Variants in ACKR3 observed in about 807,000 individuals in gnomAD.
ACKR3 encodes C-X-C chemokine receptor type 7.
A neutral mutation model predicts 22.4 loss-of-function variants in ACKR3; 6 were observed. The observed-to-expected ratio is 0.27, with a 90% CI of 0.15 to 0.53. ACKR3 has a LOEUF of 0.53. ACKR3 is among the 20% of genes least tolerant of loss of function. The pLI is 0.96. For missense variants in ACKR3, 396 were observed against 475.2 expected, an observed-to-expected ratio of 0.83 and a Z score of 1.55; for synonymous variants, 209 against 205.2, an observed-to-expected ratio of 1.02 and a Z score of -0.16.
the ACKR3 span, among the ~76,000 whole-genome samples, chr2:236,554,895 G>C: frequency 6.6e-6 from 1 of 152,254 alleles, no homozygotes; most frequent in Admixed American, 6.5e-5. Context: ...AGGCAAAAAG[G>C]GTGCATTTGT....
At chr2:236,552,061 G>A in the ACKR3 span, among the ~76,000 whole-genome samples, 2 of 152,124 alleles carry the variant, frequency 1.3e-5, no homozygotes, top group South Asian at 2.1e-4. Flanking sequence ...CTCTACCCCC[G>A]TAGAACTTTC....
At chr2:236,556,641 G>A in the ACKR3 span, among the ~76,000 whole-genome samples, 1 of 152,224 alleles carries the variant, frequency 6.6e-6, no homozygotes, top group Admixed American at 6.5e-5. Context: ...CTGGCACATT[G>A]ATCTCAGCCC....
At chr2:236,545,279 G>A in the ACKR3 span, among the ~76,000 whole-genome samples, 8 of 152,146 alleles carry the variant, frequency 5.3e-5, no homozygotes, top group Admixed American at 6.5e-5. This position sits in a 1 kb window ranked among gnomAD's most constrained non-coding sequence, Gnocchi z 5.3. Context: ...TTGAGAGTTC[G>A]TGCCTGGTGG....
At chr2:236,546,400 G>C in the ACKR3 span, among the ~76,000 whole-genome samples, 2 of 152,138 alleles carry the variant, frequency 1.3e-5, no homozygotes, top group Admixed American at 1.3e-4. The surrounding 1 kb of genome is among the most constrained non-coding windows in gnomAD (Gnocchi z 4.9). Context: ...GGCAGGGCTA[G>C]TTCACATTGT....
chr2:236,568,530 T>A (rs1016833557), upstream of ACKR3, among the ~76,000 whole-genome samples: 3 of 152,050 alleles, frequency 2.0e-5, no homozygotes, highest in African/African-American at 7.2e-5. Context: ...GCAGAGGCGG[T>A]GGCGGGACGC....
the ACKR3 span, among the ~76,000 whole-genome samples, chr2:236,540,365 T>G: frequency 6.6e-6 from 1 of 151,996 alleles, no homozygotes; most frequent in Non-Finnish European, 1.5e-5. Context: ...TGTTTTTTTT[T>G]TTGTTAGGTT....
chr2:236,542,592 A>T, the ACKR3 span, among the ~76,000 whole-genome samples: 5 of 152,140 alleles, frequency 3.3e-5, no homozygotes, highest in Non-Finnish European at 7.3e-5. Flanking sequence ...CGTCCAGGAG[A>T]CGGCGTGGCC....
At chr2:236,551,998 C>CTTCTCT in the ACKR3 span, among the ~76,000 whole-genome samples, 1 of 152,252 alleles carries the variant, frequency 6.6e-6, no homozygotes, top group Admixed American at 6.5e-5. Flanking sequence ...CCTGTGCACT[C>CTTCTCT]GGGCCTGGCT....
In ACKR3 at chr2:236,580,672, T is replaced by C. The variant is rs1691502925; in HGVS notation, c.207T>C (p.Asn69=). The C allele has an allele frequency of 6.2e-7, 1 of 1,614,054 alleles. No individual in the cohort carries two copies. The highest frequency in any genetic ancestry group is 1.3e-5 in the African/African-American group (1 of 74,920). ...CCAACTCCGTGGTGGTCTGGGTGAATATCCAGGCCAAGACCACAGGCTATG... is the reference window on the plus strand; with the variant it reads ...CCAACTCCGTGGTGGTCTGGGTGAACATCCAGGCCAAGACCACAGGCTATG... The part of the protein sequence containing the change: ...MIANSVVVWV[N]IQAKTTGYDT... Residue 69 remains asparagine (N), a synonymous_variant, in exon 2 of 2, where the codon AAT becomes AAC. Coordinates refer to ENST00000272928, the MANE Select transcript of ACKR3 (RefSeq NM_020311.3).
Position 236,580,173 on chromosome 2 carries a change from A to G in ACKR3, c.-26-267A>G, listed in dbSNP as rs181603100. Among the ~76,000 whole-genome samples the G allele has an allele frequency of 1.2e-3, 176 of 152,368 alleles. 1 individual carries two copies. The highest frequency in any genetic ancestry group is 6.8e-3 in the Middle Eastern group (2 of 294). On this transcript the variant is annotated intron_variant, in intron 1 of 1. Transcript: ENST00000272928. ...ACAGCCATGCTGGCGGTGTCTTGAGAACACAGCCATGAAAAGATGGAGAAA... is the reference window on the plus strand; with the variant it reads ...ACAGCCATGCTGGCGGTGTCTTGAGGACACAGCCATGAAAAGATGGAGAAA...
At chr2:236,559,915 A>C in the ACKR3 span, among the ~76,000 whole-genome samples, 1 of 152,270 alleles carries the variant, frequency 6.6e-6, no homozygotes, top group African/African-American at 2.4e-5. Context: ...ATACCACACT[A>C]GGTCCATTAA....
chr2:236,537,583 C>T, the ACKR3 span, among the ~76,000 whole-genome samples: 1 of 152,194 alleles, frequency 6.6e-6, no homozygotes, highest in African/African-American at 2.4e-5. Context: ...TGGTACAGGG[C>T]CCCTTGGATA....
At chr2:236,552,713 A>G in the ACKR3 span, among the ~76,000 whole-genome samples, 1 of 152,248 alleles carries the variant, frequency 6.6e-6, no homozygotes, top group Non-Finnish European at 1.5e-5. Flanking sequence ...CGTGTAGGAA[A>G]CTTGGAGTTG....
chr2:236,543,951 A>G, the ACKR3 span, among the ~76,000 whole-genome samples: 25 of 47,922 alleles, frequency 5.2e-4, no homozygotes, highest in African/African-American at 2.9e-3. Flanking sequence ...GTATATATAT[A>G]TATATATATA....
chr2:236,572,402 C>T (rs1691327733), intron 1 of ACKR3, among the ~76,000 whole-genome samples: 1 of 152,194 alleles, frequency 6.6e-6, no homozygotes, highest in Non-Finnish European at 1.5e-5. Flanking sequence ...GGCAAAGGGA[C>T]AGATAACGAG....
chr2:236,541,777 C>G, the ACKR3 span, among the ~76,000 whole-genome samples: 3 of 152,182 alleles, frequency 2.0e-5, no homozygotes, highest in Admixed American at 2.0e-4. Context: ...TTACTCCATA[C>G]TGTTCTCCTG....
At chr2:236,555,302 C>G in the ACKR3 span, among the ~76,000 whole-genome samples, 1 of 152,220 alleles carries the variant, frequency 6.6e-6, no homozygotes, top group South Asian at 2.1e-4. Context: ...CACGAGTACA[C>G]TTCTATAGGT....
upstream of ACKR3, among the ~76,000 whole-genome samples, chr2:236,564,592 GTTTTTTTT>G (rs532204731): frequency 7.7e-6 from 1 of 129,334 alleles, no homozygotes. Context: ...TTCCTTCCTA[GTTTTTTTT>G]TTTTTTTTTT....
the ACKR3 span, among the ~76,000 whole-genome samples, chr2:236,540,365 T>A: frequency 6.6e-6 from 1 of 151,996 alleles, no homozygotes; most frequent in Non-Finnish European, 1.5e-5. Flanking sequence ...TGTTTTTTTT[T>A]TTGTTAGGTT....
Sources: allele counts gnomAD v4.1 joint callset (sites outside exome capture counted in the v4.1 genomes callset), GRCh38; gene constraint gnomAD v4.1.1; non-coding constraint Gnocchi (gnomAD v3.1); transcripts MANE v1.5; gene names NCBI Gene and HGNC (gene_info 2026-07-23, HGNC 2026-07-21).